The following ZNF775 variants were observed in gnomAD, a reference collection of about 807,000 sequenced individuals.
ZNF775 encodes zinc finger protein 775.
A neutral mutation model predicts 2.4 loss-of-function variants in ZNF775; 1 was observed. The ratio of observed to expected loss-of-function variants is 0.41; its 90% CI spans 0.15 to 1.94. The LOEUF (loss-of-function observed/expected upper bound fraction) is 1.94. ZNF775 is among the 30% of genes most tolerant of loss of function. The pLI, the probability that ZNF775 is intolerant of heterozygous loss-of-function variation, is 0.30. For missense variants in ZNF775, 823 were observed against 826.6 expected, an observed-to-expected ratio of 1.00 and a Z score of 0.05; for synonymous variants, 381 against 373.3, an observed-to-expected ratio of 1.02 and a Z score of -0.24.
intron 2 of ZNF775, among the ~76,000 whole-genome samples, chr7:150,393,694 G>A (rs1327999114): frequency 6.6e-6 from 1 of 152,116 alleles, no homozygotes; most frequent in Non-Finnish European, 1.5e-5. Context: ...TTGAGACAGA[G>A]TTTTGCTCTC....
rs1373699118 is a variant in ZNF775, at chr7:150,396,650, A to G, written c.169A>G (p.Met57Val). 6 of 1,611,604 alleles carry G rather than the reference A, an allele frequency of 3.7e-6. No homozygotes were observed. Among genetic ancestry groups the G allele is most frequent in the South Asian group, 1.1e-5 (1 of 90,796 alleles). The change falls in exon 3 of 3, where the codon ATG (methionine) becomes GTG (valine). Residue 57 changes from methionine to valine, a missense_variant. Transcript: ENST00000329630. ...QHRGLPPRQTMGRPRALGGQE... is the reference protein window; with the variant it reads ...QHRGLPPRQTVGRPRALGGQE... ...CCGGGGCCTCCCGCCACGCCAGACC[A>G]TGGGGCGGCCTCGAGCCCTGGGGGG...
chr7:150,386,591 C>T (rs942017068), intron 1 of ZNF775, among the ~76,000 whole-genome samples: 36 of 151,876 alleles, frequency 2.4e-4, no homozygotes, highest in African/African-American at 6.8e-4. Flanking sequence ...TGGGGGTGGC[C>T]GAGCCAGGGT....
chr7:150,383,667 C>T (rs1800401432), intron 1 of ZNF775: 1 of 152,350 alleles, frequency 6.6e-6, no homozygotes, highest in Non-Finnish European at 1.5e-5. Context: ...CAAGTGAGGA[C>T]CTGCTGGGAC....
rs765110841 is a variant in ZNF775 at position 150,397,944 on chromosome 7, A to G, written c.1463A>G (p.Asn488Ser). ...ECGRRFSQKPNLTRHRRNHTG... is the reference protein window; with the variant it reads ...ECGRRFSQKPSLTRHRRNHTG... Reference sequence around the variant, plus strand: ...GGCCGCCGCTTCAGCCAGAAGCCCAACCTGACGCGGCACCGGCGCAACCAC... The same window carrying G: ...GGCCGCCGCTTCAGCCAGAAGCCCAGCCTGACGCGGCACCGGCGCAACCAC... The change falls in exon 3 of 3, where the codon AAC (asparagine) becomes AGC (serine). Residue 488 changes from asparagine to serine, a missense_variant. Coordinates refer to ENST00000329630, the MANE Select transcript of ZNF775 (RefSeq NM_173680.4). 6 of 1,600,710 alleles carry G rather than the reference A, an allele frequency of 3.7e-6. No individual in the cohort carries two copies. The African/African-American group carries it at 5.4e-5, about 14-fold the overall frequency.
intron 2 of ZNF775, among the ~76,000 whole-genome samples, chr7:150,396,226 C>T (rs1456067773): frequency 6.6e-6 from 1 of 152,118 alleles, no homozygotes; most frequent in East Asian, 1.9e-4. Flanking sequence ...CCTGGGCACC[C>T]GAGTGATTCA....
intron 2 of ZNF775, among the ~76,000 whole-genome samples, chr7:150,391,379 G>A (rs1222656421): frequency 1.3e-5 from 2 of 152,204 alleles, no homozygotes; most frequent in East Asian, 1.9e-4. Flanking sequence ...GTGGTGGTGG[G>A]CGCATGCAAT....
At chr7:150,390,451 GAC>G (rs1190398490) in intron 2 of ZNF775, among the ~76,000 whole-genome samples, 3 of 152,194 alleles carry the variant, frequency 2.0e-5, no homozygotes, top group African/African-American at 7.2e-5. Flanking sequence ...CCACCTGATG[GAC>G]ACAGCACAGC....
intron 1 of ZNF775, among the ~76,000 whole-genome samples, chr7:150,387,030 C>T (rs574731302): frequency 6.6e-6 from 1 of 152,174 alleles, no homozygotes; most frequent in African/African-American, 2.4e-5. Context: ...AGCACGGTGG[C>T]TCACGCCTGT....
rs62503765 is a variant in ZNF775 at position 150,379,572 on chromosome 7, C to G, written c.-50+180C>G. Among the ~76,000 whole-genome samples the G allele has an allele frequency of 3.7e-3, 556 of 152,074 alleles. 5 individuals carry two copies. The highest frequency in any genetic ancestry group is 3.9e-3 in the Non-Finnish European group (264 of 67,942). ...CCCCGAGCCCCGCGCGCCCCCCGAG[C>G]CCCGGGTCTCAAGCGTTCCCTCTGC... On this transcript the variant is annotated intron_variant, in intron 1 of 2. Coordinates refer to ENST00000329630, the MANE Select transcript of ZNF775 (RefSeq NM_173680.4).
intron 1 of ZNF775, among the ~76,000 whole-genome samples, chr7:150,380,609 A>G (rs1800344473): frequency 6.6e-6 from 1 of 152,126 alleles, no homozygotes; most frequent in Admixed American, 6.5e-5. Context: ...GAGCCACGAG[A>G]GGATGGGGCG....
At chr7:150,396,387 G>A (rs1800650637) in intron 2 of ZNF775, 126 bp from the exon 3 acceptor site, 2 of 1,154,186 alleles carry the variant, frequency 1.7e-6, no homozygotes, top group East Asian at 5.7e-5. Flanking sequence ...GCCTTTTCTC[G>A]TGCCCTCTTT....
chr7:150,388,348 G>A, intron 1 of ZNF775, 74 bp from the exon 2 acceptor site: 1 of 1,163,996 alleles, frequency 8.6e-7, no homozygotes, highest in Non-Finnish European at 1.2e-6. Flanking sequence ...TGGGATGGGA[G>A]GGGGGCTGGG....
At chr7:150,396,445 T>C in intron 2 of ZNF775, 68 bp from the exon 3 acceptor site, 1 of 1,485,324 alleles carries the variant, frequency 6.7e-7, no homozygotes, top group Non-Finnish European at 8.9e-7. Flanking sequence ...TCTTGCTCCT[T>C]CTCTCCATCC....
chr7:150,393,557 TGG>T (rs1281103726), intron 2 of ZNF775, among the ~76,000 whole-genome samples: 1 of 152,020 alleles, frequency 6.6e-6, no homozygotes, highest in Non-Finnish European at 1.5e-5. Flanking sequence ...CCTTCCAGAG[TGG>T]TGGCAGCACT....
rs1186793579 is a variant in ZNF775, at chr7:150,397,876, G to A, written c.1395G>A (p.Gln465=). 3.1e-6 allele frequency: 5 copies of A among 1,603,670 alleles called. No homozygotes were observed. In the East Asian group the frequency reaches 1.1e-4, roughly 36 times the overall value. Residue 465 remains glutamine (Q), a synonymous_variant, in exon 3 of 3, where the codon CAG becomes CAA. Transcript: ENST00000329630. ...GGTGGTCGGCGCTCACCATCCACCA[G>A]CGCATCCACACGGGTGAGCGGCCCT... ...FSWWSALTIH[Q]RIHTGERPYP...
chr7:150,396,973 C>T lies in ZNF775; in HGVS notation c.492C>T (p.Cys164=). The part of the protein sequence containing the change: ...QRHHTGERPF[C]CPECARRFSQ... ...ACCACACGGGCGAGCGACCCTTCTG[C>T]TGCCCCGAGTGCGCGCGGCGCTTCA... Residue 164 remains cysteine, a synonymous_variant, in exon 3 of 3, where the codon TGC becomes TGT. Coordinates refer to ENST00000329630, the MANE Select transcript of ZNF775 (RefSeq NM_173680.4). 1.3e-6 allele frequency: 2 copies of T among 1,599,664 alleles called. No homozygotes were observed. Among genetic ancestry groups the T allele is most frequent in the Non-Finnish European group, 1.7e-6 (2 of 1,179,170 alleles).
intron 1 of ZNF775, among the ~76,000 whole-genome samples, chr7:150,380,561 A>C (rs555008182): frequency 1.6e-4 from 25 of 152,266 alleles, no homozygotes; most frequent in African/African-American, 6.0e-4. Context: ...AGGGCCTTCC[A>C]AGGTTGGTCA....
In ZNF775 at chr7:150,397,486, C is replaced by T. The variant is rs776409655; in HGVS notation, c.1005C>T (p.Arg335=). ...ACCTGCGCAACCACACAGGCGAGCGCCCGCACCCCTGCCCGCACTGTGGCC... is the reference window on the plus strand; with the variant it reads ...ACCTGCGCAACCACACAGGCGAGCGTCCGCACCCCTGCCCGCACTGTGGCC... ...TRHLRNHTGE[R]PHPCPHCGRG... The change falls in exon 3 of 3, where the codon CGC becomes CGT. Residue 335 remains arginine, a synonymous_variant. Coordinates refer to ENST00000329630, the MANE Select transcript of ZNF775 (RefSeq NM_173680.4). 76 of 1,586,628 alleles carry T rather than the reference C, an allele frequency of 4.8e-5. 1 individual carries two copies. The Middle Eastern group carries it at 6.7e-4, about 14-fold the overall frequency.
chr7:150,398,123 G>C lies in ZNF775; in HGVS notation c.*28G>C, dbSNP rs1800718098. 2.6e-6 allele frequency: 4 copies of C among 1,534,674 alleles called. No homozygotes were observed. In the East Asian group the frequency reaches 9.8e-5, roughly 37 times the overall value. On this transcript the variant is annotated 3_prime_UTR_variant, in exon 3 of 3. Transcript: ENST00000329630. Reference sequence around the variant, plus strand: ...GACTGGACCTCAGCGGACCCGTGGTGGTGCGGGGGATGTTTGCGGGGTGTG... The same window carrying C: ...GACTGGACCTCAGCGGACCCGTGGTCGTGCGGGGGATGTTTGCGGGGTGTG...
Sources: gnomAD v4.1 joint callset for allele counts (sites outside exome capture counted in the v4.1 genomes callset) on GRCh38, gnomAD v4.1.1 for gene constraint, MANE v1.5 for transcripts, NCBI Gene and HGNC (gene_info 2026-07-23, HGNC 2026-07-21) for gene names.